The following KANSL1L variants were observed in gnomAD, a reference collection of about 807,000 sequenced individuals.
The protein encoded by KANSL1L is KAT8 regulatory NSL complex subunit 1 like.
KANSL1L carries 25 observed loss-of-function variants against 108.6 expected under a neutral mutation model. The observed-to-expected ratio is 0.23, with a 90% CI of 0.17 to 0.32. KANSL1L has a LOEUF of 0.32. Among genes scored for constraint, KANSL1L ranks in the 10% least tolerant of loss-of-function variants. KANSL1L has a pLI of 1.00. For missense variants in KANSL1L, 1,137 were observed against 1,125.7 expected (o/e 1.01, Z -0.14); for synonymous variants, 405 against 395.1 (o/e 1.03, Z -0.30).
At chr2:210,165,788 T>C (rs1235421628) in intron 1 of KANSL1L, among the ~76,000 whole-genome samples, 2 of 152,224 alleles carry the variant, frequency 1.3e-5, no homozygotes, top group African/African-American at 4.8e-5. Flanking sequence ...TGAAATTGTG[T>C]AACAGTAGTC....
chr2:210,069,025 GCTC>G (rs1367499561), intron 6 of KANSL1L, among the ~76,000 whole-genome samples: 1 of 152,096 alleles, frequency 6.6e-6, no homozygotes, highest in East Asian at 1.9e-4. Flanking sequence ...TAACCTAACA[GCTC>G]CTTACTCACT....
At chr2:210,121,243 C>A (rs969113650) in intron 3 of KANSL1L, among the ~76,000 whole-genome samples, 1 of 152,188 alleles carries the variant, frequency 6.6e-6, no homozygotes, top group Non-Finnish European at 1.5e-5. Flanking sequence ...ATAGAATCAA[C>A]CCGAATGCCC....
intron 11 of KANSL1L, 70 bp downstream of exon 11, chr2:210,028,775 T>C: frequency 8.6e-7 from 1 of 1,161,676 alleles, no homozygotes; most frequent in South Asian, 1.5e-5. Context: ...TAATTAAAAT[T>C]CTTCACTTTG....
chr2:210,131,520 T>A (rs531259816), intron 2 of KANSL1L, among the ~76,000 whole-genome samples: 267 of 152,058 alleles, frequency 1.8e-3, no homozygotes, highest in African/African-American at 6.0e-3. Context: ...CAGAAAAAAA[T>A]GCCATAGAAC....
chr2:210,118,305 C>T (rs1254030172), intron 3 of KANSL1L, among the ~76,000 whole-genome samples: 1 of 150,050 alleles, frequency 6.7e-6, no homozygotes, highest in Non-Finnish European at 1.5e-5. Context: ...CTTGTCTCTA[C>T]TAAAAATATA....
intron 3 of KANSL1L, among the ~76,000 whole-genome samples, chr2:210,119,473 T>C (rs760514323): frequency 2.6e-5 from 4 of 152,150 alleles, no homozygotes; most frequent in Admixed American, 1.3e-4. Flanking sequence ...AACAACATAT[T>C]AAAAATATCA....
intron 2 of KANSL1L, among the ~76,000 whole-genome samples, chr2:210,135,314 G>A (rs1381933003): frequency 6.6e-6 from 1 of 152,150 alleles, no homozygotes; most frequent in African/African-American, 2.4e-5. Flanking sequence ...TTATGAATGA[G>A]AAAGAGGTAC....
chr2:210,069,051 T>G (rs904919413), intron 6 of KANSL1L, among the ~76,000 whole-genome samples: 3 of 152,166 alleles, frequency 2.0e-5, no homozygotes, highest in Admixed American at 6.5e-5. Context: ...ATCTCTTTCC[T>G]CTCATATTCT....
intron 6 of KANSL1L, among the ~76,000 whole-genome samples, chr2:210,060,322 G>A (rs1462306482): frequency 6.6e-6 from 1 of 152,106 alleles, no homozygotes; most frequent in African/African-American, 2.4e-5. Flanking sequence ...TCTGCCATAG[G>A]AGACAGATAA....
chr2:210,065,579 A>ATTTTT (rs57999970), intron 6 of KANSL1L, among the ~76,000 whole-genome samples: 4 of 64,910 alleles, frequency 6.2e-5, no homozygotes, highest in Non-Finnish European at 9.1e-5. Flanking sequence ...CCTGGACATG[A>ATTTTT]TTTTTTTTTT....
Position 210,075,739 on chromosome 2 carries a change from T to C in KANSL1L, c.1568A>G (p.Asp523Gly), listed in dbSNP as rs2094537482. The change falls in exon 6 of 15, where the codon GAT becomes GGT. Residue 523 changes from aspartate to glycine, a missense_variant. Around this residue, in one of 3 missense-constraint regions of KANSL1L, gnomAD observed 575 missense variants for 567.1 expected, o/e 1.01. Transcript: ENST00000281772. ...CCAGCTACTGGAGGAAGACAGCTCA[T>C]CTAAATTCTCTGATGCACTGAAATG... ...GIYRSASENL[D>G]ELSSSSSWLL... The C allele has an allele frequency of 1.2e-6, 2 of 1,613,498 alleles. No homozygotes were observed. Among genetic ancestry groups the C allele is most frequent in the Non-Finnish European group, 1.7e-6 (2 of 1,179,534 alleles).
At chr2:210,099,082 T>C (rs1015294765) in intron 4 of KANSL1L, among the ~76,000 whole-genome samples, 1 of 152,082 alleles carries the variant, frequency 6.6e-6, no homozygotes, top group Non-Finnish European at 1.5e-5. Flanking sequence ...TCTGTAATCA[T>C]ACTTCAAAGA....
At chr2:210,170,233 T>C in intron 1 of KANSL1L, 5 of 355,574 alleles carry the variant, frequency 1.4e-5, no homozygotes, top group Non-Finnish European at 2.0e-5. Context: ...CAAACTCAGA[T>C]GAAGTTAAGC....
intron 5 of KANSL1L, among the ~76,000 whole-genome samples, chr2:210,085,045 G>T (rs945937849): frequency 6.6e-6 from 1 of 152,006 alleles, no homozygotes; most frequent in African/African-American, 2.4e-5. Context: ...ATCATAAAAA[G>T]ATAATTTTGA....
chr2:210,102,635 C>A (rs895614453), intron 4 of KANSL1L, among the ~76,000 whole-genome samples: 12 of 152,160 alleles, frequency 7.9e-5, no homozygotes, highest in East Asian at 5.8e-4. Context: ...AAACAAACAA[C>A]CCCATCAACA....
At chr2:210,152,011 G>A (rs1421389643) in intron 2 of KANSL1L, 8 of 152,266 alleles carry the variant, frequency 5.3e-5, no homozygotes, top group East Asian at 3.9e-4. Flanking sequence ...GGGTACAAGT[G>A]CAGGTTTGTT....
At chr2:210,138,116 A>G (rs908670573) in intron 2 of KANSL1L, among the ~76,000 whole-genome samples, 2 of 152,222 alleles carry the variant, frequency 1.3e-5, no homozygotes, top group Non-Finnish European at 2.9e-5. Flanking sequence ...GAATCCAAGA[A>G]GCATGTTACA....
chr2:210,103,806 C>T (rs2094819494), intron 4 of KANSL1L, among the ~76,000 whole-genome samples: 1 of 152,004 alleles, frequency 6.6e-6, no homozygotes, highest in Non-Finnish European at 1.5e-5. Flanking sequence ...TGAAAAAAAT[C>T]CAATGATAAA....
At chr2:210,136,153 T>C (rs111814714) in intron 2 of KANSL1L, among the ~76,000 whole-genome samples, 2,534 of 152,232 alleles carry the variant, frequency 0.017, 66 homozygotes, top group African/African-American at 0.055. Context: ...TGAGATCTTA[T>C]GCAATTCTGC....
Sources: gnomAD v4.1 joint callset for allele counts (sites outside exome capture counted in the v4.1 genomes callset) on GRCh38, gnomAD v4.1.1 for gene constraint, gnomAD v4.1.1 regional missense constraint, MANE v1.5 for transcripts, NCBI Gene and HGNC (gene_info 2026-07-23, HGNC 2026-07-21) for gene names.